The following DLG2 variants were observed in gnomAD, a reference collection of about 807,000 sequenced individuals.
The protein encoded by DLG2 is disks large homolog 2.
A neutral mutation model predicts 132.5 loss-of-function variants in DLG2; 45 were observed. The ratio of observed to expected loss-of-function variants is 0.34; its 90% CI spans 0.27 to 0.44. DLG2 has a LOEUF of 0.44. Ranked by LOEUF, DLG2 falls within the 20% of genes least tolerant of loss-of-function variation. The pLI, the probability that DLG2 is intolerant of heterozygous loss-of-function variation, is 1.00. For synonymous variants in DLG2, 424 were observed against 419.6 expected (o/e 1.01, Z -0.13); for missense variants, 1,045 against 1,196.9 (o/e 0.87, Z 1.87).
intron 3 of DLG2, among the ~76,000 whole-genome samples, chr11:85,389,375 C>A (rs2086612653): frequency 6.6e-6 from 1 of 152,094 alleles, no homozygotes; most frequent in East Asian, 1.9e-4. Context: ...AACGACCAAA[C>A]CTAAGAATAA....
chr11:84,801,191 A>G (rs1179050011), intron 6 of DLG2, among the ~76,000 whole-genome samples: 1 of 152,246 alleles, frequency 6.6e-6, no homozygotes, highest in African/African-American at 2.4e-5. Context: ...TGTATGAGTT[A>G]CCCACATACA....
At chr11:85,556,105 G>C (rs1056028517) in intron 3 of DLG2, among the ~76,000 whole-genome samples, 1 of 151,750 alleles carries the variant, frequency 6.6e-6, no homozygotes, top group Non-Finnish European at 1.5e-5. Flanking sequence ...ACAACATAAA[G>C]ATGAGGTTTA....
At chr11:84,875,881 G>A (rs1029524469) in intron 6 of DLG2, among the ~76,000 whole-genome samples, 2 of 152,082 alleles carry the variant, frequency 1.3e-5, no homozygotes, top group African/African-American at 4.8e-5. Flanking sequence ...AGGATTACAG[G>A]TGTCCGCCAC....
In DLG2 at chr11:84,307,695, C is replaced by CAAAAAAAAAAAAAAAAAAA. The variant is rs1222486667; in HGVS notation, c.520-56423_520-56405dup. On this transcript the variant is annotated intron_variant, in intron 7 of 27. Transcript: ENST00000376104. ...TGGGTGAAAGAGCGAGACGCAGTCT[C>CAAAAAAAAAAAAAAAAAAA]AAAAAAAAAAAAAAAAAAAAAGAAG... Among the ~76,000 whole-genome samples the CAAAAAAAAAAAAAAAAAAA allele has an allele frequency of 1.6e-3, 126 of 77,956 alleles. 1 individual carries two copies. Among genetic ancestry groups the CAAAAAAAAAAAAAAAAAAA allele is most frequent in the African/African-American group, 2.3e-3 (43 of 18,498 alleles). 51.1% of individuals were successfully genotyped at this position (77,956 alleles called of 152,430 possible).
At chr11:85,412,932 C>T (rs1247490916) in intron 3 of DLG2, among the ~76,000 whole-genome samples, 3 of 151,826 alleles carry the variant, frequency 2.0e-5, no homozygotes, top group East Asian at 1.9e-4. Context: ...ATAGCCAGTA[C>T]TGAGATTGTT....
At chr11:85,166,907 G>C (rs2078491681) in intron 4 of DLG2, among the ~76,000 whole-genome samples, 2 of 152,034 alleles carry the variant, frequency 1.3e-5, no homozygotes, top group Admixed American at 6.6e-5. Flanking sequence ...TATCCGAAAA[G>C]TTTCCTATAT....
intron 14 of DLG2, among the ~76,000 whole-genome samples, chr11:83,939,274 T>C (rs1407537294): frequency 1.3e-5 from 2 of 152,198 alleles, no homozygotes; most frequent in South Asian, 2.1e-4. Context: ...GACCTGGTCC[T>C]TATGAGTTTG....
chr11:84,149,946 T>C (rs910259449), intron 9 of DLG2, among the ~76,000 whole-genome samples: 2 of 152,012 alleles, frequency 1.3e-5, no homozygotes, highest in Non-Finnish European at 1.5e-5. Context: ...TTAGTAGAGA[T>C]GGGGTTTCAC....
At chr11:84,408,898 C>T (rs1294800726) in intron 7 of DLG2, among the ~76,000 whole-genome samples, 1 of 152,176 alleles carries the variant, frequency 6.6e-6, no homozygotes, top group Non-Finnish European at 1.5e-5. Flanking sequence ...AAGGCCCTTG[C>T]TCATCTTGCA....
chr11:84,070,190 G>C (rs1319083128), intron 10 of DLG2, among the ~76,000 whole-genome samples: 1 of 152,162 alleles, frequency 6.6e-6, no homozygotes, highest in African/African-American at 2.4e-5. Flanking sequence ...GTACACAGTT[G>C]TCACATAAGA....
chr11:83,570,227 A>C (rs1005643488), intron 19 of DLG2, among the ~76,000 whole-genome samples: 10 of 152,184 alleles, frequency 6.6e-5, no homozygotes, highest in Non-Finnish European at 1.2e-4. Flanking sequence ...GGGGCATCAA[A>C]ACTCTGCAAC....
intron 14 of DLG2, among the ~76,000 whole-genome samples, chr11:83,935,595 G>A (rs751115609): frequency 6.6e-6 from 1 of 152,050 alleles, no homozygotes; most frequent in Admixed American, 6.6e-5. Context: ...GAACCTATTC[G>A]CTCCCCTAAT....
chr11:83,698,257 A>T (rs758567252), intron 18 of DLG2, among the ~76,000 whole-genome samples: 41 of 152,234 alleles, frequency 2.7e-4, no homozygotes, highest in Admixed American at 5.2e-4. Context: ...AAAATTGGCT[A>T]AAAACCCTGT....
chr11:85,338,834 A>G (rs2082299473), intron 3 of DLG2, among the ~76,000 whole-genome samples: 1 of 149,956 alleles, frequency 6.7e-6, no homozygotes. Context: ...CCTCCTGAGT[A>G]GCTGGGACTA....
chr11:85,066,212 A>C (rs970141206), intron 6 of DLG2, among the ~76,000 whole-genome samples: 2 of 151,744 alleles, frequency 1.3e-5, no homozygotes, highest in Non-Finnish European at 2.9e-5. Context: ...AGATGAACAA[A>C]TTCCTGGAAA....
intron 6 of DLG2, among the ~76,000 whole-genome samples, chr11:85,108,080 T>C (rs1354610264): frequency 6.6e-6 from 1 of 151,720 alleles, no homozygotes; most frequent in Non-Finnish European, 1.5e-5. Context: ...CAAGGCAATA[T>C]GTAACTGGTG....
intron 6 of DLG2, among the ~76,000 whole-genome samples, chr11:84,952,784 G>T (rs2051133189): frequency 6.6e-6 from 1 of 152,126 alleles, no homozygotes; most frequent in Non-Finnish European, 1.5e-5. Context: ...TTGCTGAAAG[G>T]GTACATTGAG....
intron 18 of DLG2, chr11:83,643,475 C>A (rs2067192109): frequency 6.6e-6 from 1 of 152,136 alleles, no homozygotes; most frequent in Admixed American, 6.6e-5. Flanking sequence ...GAACTAGGAA[C>A]TGTGCCTTCT....
intron 7 of DLG2, among the ~76,000 whole-genome samples, chr11:84,420,032 G>C (rs578077017): frequency 1.1e-4 from 16 of 152,236 alleles, no homozygotes; most frequent in Admixed American, 3.3e-4. Context: ...AGAAACCTTC[G>C]TTACAATGAA....
Sources: allele counts gnomAD v4.1 joint callset (sites outside exome capture counted in the v4.1 genomes callset), GRCh38; gene constraint gnomAD v4.1.1; transcripts MANE v1.5; gene names NCBI Gene and HGNC (gene_info 2026-07-23, HGNC 2026-07-21).